ARMC2: variants seen among roughly 807,000 people sequenced by gnomAD.
ARMC2 encodes the protein armadillo repeat-containing protein 2.
ARMC2 carries 67 observed loss-of-function variants against 90.3 expected under a neutral mutation model. The ratio of observed to expected loss-of-function variants is 0.74; its 90% CI spans 0.61 to 0.91. The LOEUF (loss-of-function observed/expected upper bound fraction) is 0.91. ARMC2 is among the 40% of genes least tolerant of loss of function. The pLI is 0.00. For missense variants in ARMC2, 920 were observed against 1,030.9 expected (o/e 0.89, Z 1.47); for synonymous variants, 393 against 393.0 (o/e 1.00, Z 0.00).
chr6:108,987,734 TC>T, the ARMC2 span: 2 of 639,254 alleles, frequency 3.1e-6, no homozygotes, highest in African/African-American at 3.7e-5. Context: ...TTCCTACACT[TC>T]CTATGTAGTA....
chr6:108,885,729 A>G (rs906057926), intron 5 of ARMC2, among the ~76,000 whole-genome samples: 17 of 152,138 alleles, frequency 1.1e-4, no homozygotes, highest in Admixed American at 9.2e-4. Flanking sequence ...TGGAAACTGT[A>G]TATCTAGTGC....
rs1774927977 is a variant in ARMC2 at position 108,924,523 on chromosome 6, C to CG, written c.1351-3560dup. 2.6e-5 allele frequency among the ~76,000 whole-genome samples: 4 copies of CG among 151,918 alleles called. No individual in the cohort carries two copies. In the South Asian group the frequency reaches 8.3e-4, roughly 32 times the overall value. On this transcript the variant is annotated intron_variant, in intron 10 of 17. Coordinates refer to ENST00000392644, the MANE Select transcript of ARMC2 (RefSeq NM_032131.6). Reference sequence around the variant, plus strand: ...AGAAAAAAATGAGCAGGAGATGGCCCGGGGGAGAAGGGGTGGCAAAGTGTA... The same window carrying CG: ...AGAAAAAAATGAGCAGGAGATGGCCCGGGGGGAGAAGGGGTGGCAAAGTGTA...
the ARMC2 span, among the ~76,000 whole-genome samples, chr6:108,998,327 T>C: frequency 2.6e-5 from 4 of 152,162 alleles, no homozygotes; most frequent in Non-Finnish European, 4.4e-5. Context: ...AAATGTTGTA[T>C]ATCACCTAGA....
chr6:108,854,554 A>G, intron 2 of ARMC2, 69 bp downstream of exon 2: 2 of 1,443,368 alleles, frequency 1.4e-6, no homozygotes, highest in Non-Finnish European at 9.6e-7. Context: ...CCTTAATTCT[A>G]CTTAAGGTTA....
chr6:108,992,432 C>A, the ARMC2 span, among the ~76,000 whole-genome samples: 3 of 151,962 alleles, frequency 2.0e-5, no homozygotes, highest in Admixed American at 6.6e-5. Flanking sequence ...GTTTTTTGAG[C>A]AAAGAAACAA....
chr6:109,017,515 C>T, the ARMC2 span, among the ~76,000 whole-genome samples: 7 of 152,062 alleles, frequency 4.6e-5, no homozygotes, highest in African/African-American at 1.7e-4. Context: ...TCGATCTCCT[C>T]ACCTCGTGAT....
chr6:108,971,587 C>G lies in ARMC2; in HGVS notation c.2447-1770C>G, dbSNP rs1583241805. Among the ~76,000 whole-genome samples the G allele has an allele frequency of 2.0e-5, 3 of 152,002 alleles. No homozygotes were observed. The East Asian group carries it at 5.8e-4, about 29-fold the overall frequency. Reference sequence around the variant, plus strand: ...GTAGAAAATCTGATATCAACAGAGTCATGAAGCATTTTGTAATAGGATTTT... The same window carrying G: ...GTAGAAAATCTGATATCAACAGAGTGATGAAGCATTTTGTAATAGGATTTT... On this transcript the variant is annotated intron_variant, in intron 17 of 17. Transcript: ENST00000392644.
chr6:108,985,447 T>C, the ARMC2 span, among the ~76,000 whole-genome samples: 2 of 152,230 alleles, frequency 1.3e-5, no homozygotes, highest in Admixed American at 1.3e-4. Flanking sequence ...AAAGATTATA[T>C]AGTAACATTA....
chr6:108,886,239 G>C (rs1162822991), intron 5 of ARMC2, among the ~76,000 whole-genome samples: 1 of 151,932 alleles, frequency 6.6e-6, no homozygotes, highest in Non-Finnish European at 1.5e-5. Context: ...TATTTGTTTA[G>C]TTATTCCTCC....
intron 17 of ARMC2, among the ~76,000 whole-genome samples, chr6:108,972,971 C>T (rs1425533638): frequency 6.6e-6 from 1 of 151,770 alleles, no homozygotes; most frequent in African/African-American, 2.4e-5. Flanking sequence ...ACTGGCCAGA[C>T]TTTTTTTGAA....
At chr6:108,974,845 C>T (rs1301334849), downstream of ARMC2, among the ~76,000 whole-genome samples, 1 of 151,988 alleles carries the variant, frequency 6.6e-6, no homozygotes, top group Admixed American at 6.6e-5. Context: ...GAGGCCGAGG[C>T]GGGCATATCA....
chr6:109,021,173 T>C, the ARMC2 span, among the ~76,000 whole-genome samples: 1 of 152,042 alleles, frequency 6.6e-6, no homozygotes, highest in African/African-American at 2.4e-5. Flanking sequence ...TTTGACATTT[T>C]TGTACAGATG....
intron 8 of ARMC2, among the ~76,000 whole-genome samples, chr6:108,906,816 G>A (rs1393993835): frequency 1.3e-5 from 2 of 152,262 alleles, no homozygotes; most frequent in African/African-American, 4.8e-5. Context: ...GAATACAAGT[G>A]AATAAACTAG....
chr6:108,886,334 A>T (rs1004987621), intron 5 of ARMC2, among the ~76,000 whole-genome samples: 1 of 152,170 alleles, frequency 6.6e-6, no homozygotes, highest in Non-Finnish European at 1.5e-5. Context: ...AAGGTGGGCG[A>T]ATCACCTGTG....
In ARMC2 at chr6:108,892,759, C is replaced by CAAAAA. The variant is rs55747245; in HGVS notation, c.672-1694_672-1690dup. ...GGGCAACAAGAGTGAAACTCCATCT[C>CAAAAA]AAAAAAAAAAAAAAAAAAGGTGGGG... On this transcript the variant is annotated intron_variant, in intron 5 of 17. Coordinates refer to ENST00000392644, the MANE Select transcript of ARMC2 (RefSeq NM_032131.6). Among the ~76,000 whole-genome samples, 341 of 89,656 alleles carry CAAAAA rather than the reference C, an allele frequency of 3.8e-3. 1 individual carries two copies. The highest frequency in any genetic ancestry group is 0.015 in the African/African-American group (318 of 21,726). 58.8% of individuals were successfully genotyped at this position (89,656 alleles called of 152,430 possible).
chr6:108,891,556 A>C (rs1044659624), intron 5 of ARMC2, among the ~76,000 whole-genome samples: 3 of 152,218 alleles, frequency 2.0e-5, no homozygotes, highest in African/African-American at 7.2e-5. Context: ...TCTTCTTTTG[A>C]GAAGTGTCTG....
the ARMC2 span, chr6:109,002,485 C>T: frequency 2.1e-5 from 13 of 625,272 alleles, no homozygotes; most frequent in African/African-American, 2.4e-4. Context: ...ATATACATAC[C>T]AACTCTTCTG....
chr6:108,971,638 G>A (rs1387206084), intron 17 of ARMC2, among the ~76,000 whole-genome samples: 2 of 151,892 alleles, frequency 1.3e-5, no homozygotes, highest in South Asian at 4.2e-4. Context: ...AAAAAGTATC[G>A]GCAGCTGGGT....
At chr6:108,889,030 C>T (rs1770674767) in intron 5 of ARMC2, among the ~76,000 whole-genome samples, 1 of 152,118 alleles carries the variant, frequency 6.6e-6, no homozygotes, top group African/African-American at 2.4e-5. Context: ...TCTTACTTGC[C>T]CTGGGCACTT....
Sources: allele counts gnomAD v4.1 joint callset (sites outside exome capture counted in the v4.1 genomes callset), GRCh38; gene constraint gnomAD v4.1.1; transcripts MANE v1.5; gene names NCBI Gene and HGNC (gene_info 2026-07-23, HGNC 2026-07-21).